ARID4B: variants seen among roughly 807,000 people sequenced by gnomAD.
ARID4B encodes the protein AT-rich interactive domain-containing protein 4B.
In ARID4B, 26 loss-of-function variants were observed where a neutral mutation model predicts 147.5. The ratio of observed to expected loss-of-function variants is 0.18; its 90% CI spans 0.13 to 0.24. The LOEUF is 0.24. Ranked by LOEUF, ARID4B falls within the 10% of genes least tolerant of loss-of-function variation. The pLI, the probability that ARID4B is intolerant of heterozygous loss-of-function variation, is 1.00. For missense variants in ARID4B, 1,179 were observed against 1,511.5 expected (o/e 0.78, Z 3.65); for synonymous variants, 512 against 507.9 (o/e 1.01, Z -0.11).
chr1:235,215,229 T>C (rs1276417171), intron 16 of ARID4B, among the ~76,000 whole-genome samples: 4 of 152,122 alleles, frequency 2.6e-5, no homozygotes, highest in Non-Finnish European at 5.9e-5. Flanking sequence ...CCAATCTGTA[T>C]TCAACAAGTT....
intron 11 of ARID4B, among the ~76,000 whole-genome samples, chr1:235,225,524 A>G (rs1469975810): frequency 3.3e-5 from 5 of 152,094 alleles, no homozygotes; most frequent in Non-Finnish European, 7.4e-5. Flanking sequence ...CATTCAACAA[A>G]CACTTGAGCA....
chr1:235,283,335 C>T (rs1671782054), intron 2 of ARID4B, among the ~76,000 whole-genome samples: 2 of 152,252 alleles, frequency 1.3e-5, no homozygotes, highest in South Asian at 4.1e-4. Context: ...AAAAACCTAT[C>T]TGTAACCAAC....
chr1:235,295,240 T>C (rs923060699), intron 2 of ARID4B, among the ~76,000 whole-genome samples: 2 of 152,178 alleles, frequency 1.3e-5, no homozygotes, highest in African/African-American at 4.8e-5. Context: ...CCGGGCATAG[T>C]GGCTCACGCC....
chr1:235,317,817 A>G (rs7537489), intron 2 of ARID4B, among the ~76,000 whole-genome samples: 1,566 of 152,310 alleles, frequency 0.01, 25 homozygotes, highest in African/African-American at 0.033. Flanking sequence ...ATACATAATA[A>G]GTATTCAATA....
intron 11 of ARID4B, among the ~76,000 whole-genome samples, chr1:235,227,571 C>T (rs1456139654): frequency 1.3e-5 from 2 of 152,170 alleles, no homozygotes; most frequent in Non-Finnish European, 2.9e-5. Flanking sequence ...AAATACATTT[C>T]ATTTCATGGT....
chr1:235,252,522 T>C (rs1185365061), intron 6 of ARID4B, among the ~76,000 whole-genome samples: 1 of 152,170 alleles, frequency 6.6e-6, no homozygotes, highest in Non-Finnish European at 1.5e-5. Context: ...GGACAAATAC[T>C]GAAACACTTT....
At chr1:235,226,586 A>G (rs1667845883) in intron 11 of ARID4B, among the ~76,000 whole-genome samples, 1 of 151,172 alleles carries the variant, frequency 6.6e-6, no homozygotes, top group Non-Finnish European at 1.5e-5. Flanking sequence ...CAGTGGCGTG[A>G]TCTCGGCTCA....
intron 2 of ARID4B, among the ~76,000 whole-genome samples, chr1:235,324,250 A>C (rs1675056790): frequency 6.6e-6 from 1 of 152,216 alleles, no homozygotes; most frequent in Non-Finnish European, 1.5e-5. Flanking sequence ...ATGAAAAATA[A>C]ATTCAACATA....
At chr1:235,188,402 G>C (rs1664842907) in intron 19 of ARID4B, among the ~76,000 whole-genome samples, 1 of 152,058 alleles carries the variant, frequency 6.6e-6, no homozygotes, top group Non-Finnish European at 1.5e-5. Flanking sequence ...AAATTAAAAA[G>C]GGCAGTGGGG....
chr1:235,312,522 T>C (rs1674127853), intron 2 of ARID4B, among the ~76,000 whole-genome samples: 2 of 152,278 alleles, frequency 1.3e-5, no homozygotes, highest in East Asian at 1.9e-4. Context: ...GCTTTCATAA[T>C]AAAAATTTCT....
intron 2 of ARID4B, among the ~76,000 whole-genome samples, chr1:235,265,292 G>A (rs995759706): frequency 6.6e-6 from 1 of 151,962 alleles, no homozygotes; most frequent in Non-Finnish European, 1.5e-5. Context: ...CTTGAACCTG[G>A]GAGGTAGAGG....
chr1:235,311,998 G>T (rs1345911633), intron 2 of ARID4B, among the ~76,000 whole-genome samples: 1 of 152,078 alleles, frequency 6.6e-6, no homozygotes, highest in Non-Finnish European at 1.5e-5. Flanking sequence ...GAATGTAAAA[G>T]AAAATTATGG....
chr1:235,312,029 T>G (rs1409105031), intron 2 of ARID4B, among the ~76,000 whole-genome samples: 1 of 152,024 alleles, frequency 6.6e-6, no homozygotes, highest in East Asian at 1.9e-4. Context: ...GTGGCTCACG[T>G]CTGTAATCCC....
chr1:235,223,684 C>CGT (rs149769753), intron 12 of ARID4B, among the ~76,000 whole-genome samples: 4 of 117,144 alleles, frequency 3.4e-5, no homozygotes, highest in Non-Finnish European at 5.2e-5. Flanking sequence ...AGTAAAGCTA[C>CGT]ATTTTTTTTT....
At position 235,285,531 on chromosome 1, in the gene ARID4B, G is replaced by A. The variant is rs1404039221; in HGVS notation, c.7-24779C>T. On this transcript the variant is annotated intron_variant, in intron 2 of 23. Coordinates refer to ENST00000264183, the MANE Select transcript of ARID4B (RefSeq NM_016374.6). The stretch of plus-strand genomic sequence containing the variant: ...TATACTTAACGGTGAAAGACTGAAT[G>A]CTTTTCCCTACAATTAAGAACAAGA... Among the ~76,000 whole-genome samples, 3 of 152,184 alleles carry A rather than the reference G, an allele frequency of 2.0e-5. No homozygotes were observed. In the East Asian group the frequency reaches 5.8e-4, roughly 29 times the overall value.
At chr1:235,319,424 A>G (rs11585350) in intron 2 of ARID4B, among the ~76,000 whole-genome samples, 70,733 of 152,016 alleles carry the variant, frequency 0.47, 16,781 homozygotes, top group South Asian at 0.6. Context: ...AAGCAGGATC[A>G]CATGAGCCCA....
intron 2 of ARID4B, among the ~76,000 whole-genome samples, chr1:235,325,726 A>C (rs1301577682): frequency 6.6e-6 from 1 of 152,254 alleles, no homozygotes; most frequent in East Asian, 1.9e-4. Flanking sequence ...TCTATGCTTC[A>C]TGAAATGAGA....
At chr1:235,283,786 A>G (rs182443881) in intron 2 of ARID4B, among the ~76,000 whole-genome samples, 1 of 152,280 alleles carries the variant, frequency 6.6e-6, no homozygotes, top group African/African-American at 2.4e-5. Context: ...CTCCAGCTGG[A>G]GTGCAATGGT....
intron 19 of ARID4B, among the ~76,000 whole-genome samples, chr1:235,186,577 A>G (rs1664700974): frequency 6.6e-6 from 1 of 151,774 alleles, no homozygotes; most frequent in Admixed American, 6.6e-5. Context: ...TAATTTTTGT[A>G]TTTTTAGCAG....
Sources: allele counts gnomAD v4.1 joint callset (sites outside exome capture counted in the v4.1 genomes callset), GRCh38; gene constraint gnomAD v4.1.1; transcripts MANE v1.5; gene names NCBI Gene and HGNC (gene_info 2026-07-23, HGNC 2026-07-21).